Variants in PCNT observed in about 807,000 individuals in gnomAD.
The protein encoded by PCNT is pericentrin, also known as kendrin.
In PCNT, 319 loss-of-function variants were observed where a neutral mutation model predicts 380.4. That is an observed-to-expected ratio of 0.84 (90% CI 0.77 to 0.92). The LOEUF is 0.92. Ranked by LOEUF, PCNT falls within the 40% of genes least tolerant of loss-of-function variation. PCNT has a pLI of 0.00. For synonymous variants in PCNT, 1,845 were observed against 1,735.2 expected, an observed-to-expected ratio of 1.06 and a Z score of -1.57; for missense variants, 4,400 against 4,255.3, an observed-to-expected ratio of 1.03 and a Z score of -0.95.
At chr21:46,436,637 C>G (rs2053463369) in intron 39 of PCNT, among the ~76,000 whole-genome samples, 1 of 152,226 alleles carries the variant, frequency 6.6e-6, no homozygotes, top group Non-Finnish European at 1.5e-5. Flanking sequence ...TATACTTGGA[C>G]TTAATGTATA....
In PCNT at chr21:46,430,085, A is replaced by G; in HGVS notation, c.7766A>G (p.Gln2589Arg). 1 of 1,614,234 alleles carries G rather than the reference A, an allele frequency of 6.2e-7. No individual in the cohort carries two copies. ...GDLQKTLSEEQEKANSVQKLL... is the reference protein window; with the variant it reads ...GDLQKTLSEEREKANSVQKLL... ...TTGCAGAAGACGCTGAGTGAAGAGC[A>G]AGAGAAGGCAAACAGCGTGCAGAAG... Residue 2589 changes from glutamine (Q) to arginine (R), a missense_variant, in exon 36 of 47, where the codon CAA becomes CGA. Gln to Arg is a conservative substitution (Grantham distance 43). Transcript: ENST00000359568.
intron 35 of PCNT, 44 bp from the exon 36 acceptor site, chr21:46,429,966 G>A (rs767474716): frequency 1.6e-5 from 24 of 1,517,736 alleles, no homozygotes; most frequent in East Asian, 4.5e-5. Flanking sequence ...TGTGCAGCAC[G>A]AGGAGCTCAT....
In PCNT at chr21:46,445,430, C is replaced by G; in HGVS notation, c.*103C>G. 1.1e-6 allele frequency: 1 copy of G among 898,306 alleles called. No individual in the cohort carries two copies. The highest frequency in any genetic ancestry group is 1.7e-5 in the Admixed American group (1 of 58,944). The allele number at this position is 898,306 out of a possible 1,614,324, so 55.6% of individuals were successfully genotyped here. On this transcript the variant is annotated 3_prime_UTR_variant, in exon 47 of 47. Coordinates refer to ENST00000359568, the MANE Select transcript of PCNT (RefSeq NM_006031.6). Reference sequence around the variant, plus strand: ...GTGGGACAGCATGGGCACTACTCTTCATGTGCGGTGACACCAGCCCCCAGA... The same window carrying G: ...GTGGGACAGCATGGGCACTACTCTTGATGTGCGGTGACACCAGCCCCCAGA...
rs2086456402 is a variant in PCNT, at chr21:46,402,353, T to C, written c.4985T>C (p.Leu1662Pro). 2 of 1,608,674 alleles carry C rather than the reference T, an allele frequency of 1.2e-6. No homozygotes were observed. Among genetic ancestry groups the C allele is most frequent in the Non-Finnish European group, 1.7e-6 (2 of 1,175,186 alleles). Residue 1662 changes from leucine (L) to proline (P), a missense_variant, in exon 27 of 47, where the codon CTA (leucine) becomes CCA (proline). Physicochemically the swap from Leu to Pro is moderately conservative, Grantham distance 98. Transcript: ENST00000359568. The part of the protein sequence containing the change: ...ESEVLDLKEQ[L>P]EKMKGDLESK... Reference sequence around the variant, plus strand: ...AAGGTTTTGGACTTAAAAGAACAGCTAGAAAAGATGAAAGGTGACTTAGAA... The same window carrying C: ...AAGGTTTTGGACTTAAAAGAACAGCCAGAAAAGATGAAAGGTGACTTAGAA...
In PCNT at chr21:46,430,146, G is replaced by A; in HGVS notation, c.7827G>A (p.Leu2609=). The A allele has an allele frequency of 4.3e-6, 7 of 1,614,230 alleles. No homozygotes were observed. Among genetic ancestry groups the A allele is most frequent in the Non-Finnish European group, 5.9e-6 (7 of 1,180,030 alleles). ...LAAEQTVVRD[L]KSDLCESRQK... Reference sequence around the variant, plus strand: ...CGGAGCAGACTGTAGTGCGAGATTTGAAGTCCGACCTCTGTGAGAGCAGGC... The same window carrying A: ...CGGAGCAGACTGTAGTGCGAGATTTAAAGTCCGACCTCTGTGAGAGCAGGC... Residue 2609 remains leucine, a synonymous_variant, in exon 36 of 47, where the codon TTG becomes TTA. Transcript: ENST00000359568.
At chr21:46,401,899 G>A (rs2086441742) in intron 26 of PCNT, among the ~76,000 whole-genome samples, 178 bp downstream of exon 26, 1 of 152,192 alleles carries the variant, frequency 6.6e-6, no homozygotes, top group African/African-American at 2.4e-5. Flanking sequence ...TGCCCAGGCT[G>A]GAGTGCAATG....
chr21:46,324,357 C>G, intron 1 of PCNT, 75 bp downstream of exon 1: 2 of 1,256,458 alleles, frequency 1.6e-6, no homozygotes, highest in Non-Finnish European at 2.3e-6. Flanking sequence ...CGCCACCGCC[C>G]CCTGCCAGGA....
chr21:46,366,444 T>C (rs1472505075), intron 14 of PCNT, 140 bp from the exon 15 acceptor site: 2 of 746,226 alleles, frequency 2.7e-6, no homozygotes, highest in Non-Finnish European at 4.8e-6. Flanking sequence ...GAGGGAAAAG[T>C]AGTAAGAGCA....
chr21:46,441,264 G>A (rs914576155), intron 43 of PCNT, among the ~76,000 whole-genome samples, 180 bp downstream of exon 43: 1 of 152,238 alleles, frequency 6.6e-6, no homozygotes, highest in African/African-American at 2.4e-5. Context: ...AAGAAGTCAT[G>A]TGTATGAATC....
Position 46,387,936 on chromosome 21 carries a change from C to T in PCNT, c.3465-806C>T, listed in dbSNP as rs181819066. 9.9e-5 allele frequency among the ~76,000 whole-genome samples: 15 copies of T among 152,172 alleles called. No individual in the cohort carries two copies. In the East Asian group the frequency reaches 2.1e-3, roughly 22 times the overall value. Reference sequence around the variant, plus strand: ...TAAAAACAGAAGCATCCCAGCCGGGCGCAGTGGCTCACGCTTGTAATCCCA... The same window carrying T: ...TAAAAACAGAAGCATCCCAGCCGGGTGCAGTGGCTCACGCTTGTAATCCCA... On this transcript the variant is annotated intron_variant, in intron 17 of 46. Transcript: ENST00000359568.
Position 46,382,720 on chromosome 21 carries a change from G to GC in PCNT, c.3312+880_3312+881insC, listed in dbSNP as rs1569228284. Among the ~76,000 whole-genome samples, 67 of 145,838 alleles carry GC rather than the reference G, an allele frequency of 4.6e-4. 4 individuals carry two copies. The highest frequency in any genetic ancestry group is 3.6e-3 in the Admixed American group (52 of 14,394). ...TCACAGTGTTGTATATTCAGTGGCG[G>GC]AAGCGCATTCACAGTGCTGTGCATT... On this transcript the variant is annotated intron_variant, in intron 16 of 46. Transcript: ENST00000359568.
intron 41 of PCNT, 82 bp from the exon 42 acceptor site, chr21:46,440,001 C>T: frequency 1.3e-6 from 2 of 1,579,940 alleles, no homozygotes; most frequent in South Asian, 1.1e-5. Context: ...GGCCTTCTCC[C>T]TCACCTGCCC....
chr21:46,393,389 G>A (rs943262706), intron 21 of PCNT, among the ~76,000 whole-genome samples: 1 of 152,164 alleles, frequency 6.6e-6, no homozygotes, highest in Non-Finnish European at 1.5e-5. Flanking sequence ...CGGTGCTGTT[G>A]CATCTGGGCG....
At chr21:46,383,735 C>T (rs1281615517) in intron 16 of PCNT, among the ~76,000 whole-genome samples, 20 of 133,974 alleles carry the variant, frequency 1.5e-4, no homozygotes, top group African/African-American at 4.0e-4. Context: ...GTGATGGAAG[C>T]GCATTCACAG....
chr21:46,399,961 G>A (rs994177810), intron 25 of PCNT, among the ~76,000 whole-genome samples, 165 bp downstream of exon 25: 11 of 152,136 alleles, frequency 7.2e-5, no homozygotes, highest in South Asian at 2.1e-4. Context: ...CATTGGTGAC[G>A]GGTAGCAAGA....
At chr21:46,389,042 G>A (rs923102252) in intron 18 of PCNT, among the ~76,000 whole-genome samples, 157 bp from the exon 19 acceptor site, 4 of 152,216 alleles carry the variant, frequency 2.6e-5, no homozygotes, top group Non-Finnish European at 5.9e-5. Context: ...CGAGACCGGG[G>A]TTTGGGCTAA....
intron 21 of PCNT, among the ~76,000 whole-genome samples, chr21:46,393,850 A>G (rs1452962997): frequency 4.6e-5 from 7 of 152,122 alleles, no homozygotes; most frequent in African/African-American, 2.4e-5. Context: ...TGACAGGTGG[A>G]TGTGGGCCCT....
chr21:46,326,637 G>A, intron 2 of PCNT, 48 bp downstream of exon 2: 3 of 1,550,408 alleles, frequency 1.9e-6, no homozygotes, highest in Non-Finnish European at 8.9e-7. Context: ...ATCTTCTAGT[G>A]ATTTCTAGTG....
chr21:46,366,540 C>T (rs1459251100), intron 14 of PCNT, 44 bp from the exon 15 acceptor site: 28 of 1,537,020 alleles, frequency 1.8e-5, no homozygotes, highest in Non-Finnish European at 1.9e-5. Context: ...GTCATTGCTT[C>T]CTGATGCATG....
Sources: gnomAD v4.1 joint callset for allele counts (sites outside exome capture counted in the v4.1 genomes callset) on GRCh38, gnomAD v4.1.1 for gene constraint, MANE v1.5 for transcripts, NCBI Gene and HGNC (gene_info 2026-07-23, HGNC 2026-07-21) for gene names.